The following SYN3 variants were observed in gnomAD, a reference collection of about 807,000 sequenced individuals.
SYN3 encodes the protein synapsin-3.
SYN3 carries 35 observed loss-of-function variants against 65.8 expected under a neutral mutation model. The observed-to-expected ratio is 0.53, with a 90% CI of 0.41 to 0.70. The LOEUF (loss-of-function observed/expected upper bound fraction) is 0.70, where lower values mean the gene tolerates loss of function less well. Ranked by LOEUF, SYN3 falls within the 30% of genes least tolerant of loss-of-function variation. The pLI, the probability that SYN3 is intolerant of heterozygous loss-of-function variation, is 0.00. For synonymous variants in SYN3, 270 were observed against 292.9 expected (o/e 0.92, Z 0.80); for missense variants, 680 against 749.0 (o/e 0.91, Z 1.08).
At chr22:32,955,414 A>C (rs922712123) in intron 3 of SYN3, among the ~76,000 whole-genome samples, 36 of 152,228 alleles carry the variant, frequency 2.4e-4, no homozygotes, top group African/African-American at 8.7e-4. Flanking sequence ...TGGGCAAAGC[A>C]CCTGAATACA....
At chr22:32,774,526 G>A (rs768393851) in intron 6 of SYN3, among the ~76,000 whole-genome samples, 3 of 152,052 alleles carry the variant, frequency 2.0e-5, no homozygotes, top group Non-Finnish European at 4.4e-5. Flanking sequence ...GGTGCTGTTG[G>A]AACACCACAG....
At chr22:32,952,512 TGG>T (rs1234500041) in intron 3 of SYN3, among the ~76,000 whole-genome samples, 1 of 152,170 alleles carries the variant, frequency 6.6e-6, no homozygotes, top group Non-Finnish European at 1.5e-5. Context: ...TTCAGCACTT[TGG>T]GAGGCTGAGG....
At chr22:32,935,208 C>T (rs2050736658) in intron 3 of SYN3, among the ~76,000 whole-genome samples, 1 of 152,062 alleles carries the variant, frequency 6.6e-6, no homozygotes, top group African/African-American at 2.4e-5. Flanking sequence ...TCAATGTGGC[C>T]AGGTAAAGCT....
At chr22:32,772,591 G>A (rs2045803581) in intron 6 of SYN3, among the ~76,000 whole-genome samples, 2 of 152,190 alleles carry the variant, frequency 1.3e-5, no homozygotes, top group African/African-American at 4.8e-5. Flanking sequence ...TTACAGATGT[G>A]ATTATGTTAA....
At chr22:32,647,727 G>A (rs1430595337) in intron 6 of SYN3, among the ~76,000 whole-genome samples, 1 of 152,110 alleles carries the variant, frequency 6.6e-6, no homozygotes, top group Non-Finnish European at 1.5e-5. Flanking sequence ...TTCTGCCTCA[G>A]CCTCCGGAGT....
chr22:32,724,471 C>T (rs1341301091), intron 6 of SYN3, among the ~76,000 whole-genome samples: 1 of 152,144 alleles, frequency 6.6e-6, no homozygotes, highest in Non-Finnish European at 1.5e-5. Context: ...GTTACCTAAC[C>T]TTTCTGTGCC....
intron 6 of SYN3, among the ~76,000 whole-genome samples, chr22:32,796,763 T>C (rs2046438260): frequency 6.6e-6 from 1 of 152,068 alleles, no homozygotes; most frequent in South Asian, 2.1e-4. Context: ...AAAGAGGAGC[T>C]TCCCTATGAG....
chr22:32,848,536 G>A (rs190009314), intron 6 of SYN3, among the ~76,000 whole-genome samples: 2 of 152,180 alleles, frequency 1.3e-5, no homozygotes, highest in East Asian at 3.9e-4. Flanking sequence ...GCAATAAATG[G>A]GAGCTGTTTT....
At chr22:32,663,338 G>T (rs1328515605) in intron 6 of SYN3, among the ~76,000 whole-genome samples, 1 of 143,056 alleles carries the variant, frequency 7.0e-6, no homozygotes, top group Non-Finnish European at 1.5e-5. Flanking sequence ...TCACTCTGTC[G>T]CCCAGGCTGG....
intron 6 of SYN3, among the ~76,000 whole-genome samples, chr22:32,657,176 T>G (rs2060153128): frequency 6.7e-6 from 1 of 149,794 alleles, no homozygotes; most frequent in African/African-American, 2.5e-5. Flanking sequence ...CAGGCTGGAG[T>G]GCAGTGGCGC....
intron 6 of SYN3, among the ~76,000 whole-genome samples, chr22:32,667,235 CCTCA>C (rs371214356): frequency 1.1e-4 from 17 of 151,942 alleles, no homozygotes; most frequent in South Asian, 1.0e-3. Flanking sequence ...ATTCCTTCTT[CCTCA>C]CTCACTCACT....
intron 6 of SYN3, among the ~76,000 whole-genome samples, chr22:32,604,194 G>A (rs576512817): frequency 2.0e-5 from 3 of 152,346 alleles, no homozygotes; most frequent in Non-Finnish European, 2.9e-5. Flanking sequence ...CTGGTCCTAC[G>A]TAAGCGATGG....
chr22:32,945,143 T>C (rs1178290253), intron 3 of SYN3, among the ~76,000 whole-genome samples: 1 of 152,164 alleles, frequency 6.6e-6, no homozygotes, highest in Non-Finnish European at 1.5e-5. Flanking sequence ...TTCAATGCCA[T>C]CCCCATTAAG....
At chr22:33,054,240 G>A (rs2054219000) in intron 1 of SYN3, among the ~76,000 whole-genome samples, 1 of 151,928 alleles carries the variant, frequency 6.6e-6, no homozygotes, top group Non-Finnish European at 1.5e-5. Flanking sequence ...TCCCCTCCTC[G>A]ACTCCAGACT....
chr22:33,033,465 C>T (rs2053791247), intron 1 of SYN3, among the ~76,000 whole-genome samples: 2 of 152,276 alleles, frequency 1.3e-5, no homozygotes, highest in Admixed American at 6.5e-5. Context: ...CCCCCAGCAC[C>T]TCTCACCCTT....
At chr22:32,698,965 C>T (rs2060775146) in intron 6 of SYN3, among the ~76,000 whole-genome samples, 1 of 152,054 alleles carries the variant, frequency 6.6e-6, no homozygotes, top group Non-Finnish European at 1.5e-5. Flanking sequence ...TTGTGAGGCC[C>T]CAGTAGGTCA....
At chr22:32,887,094 G>A (rs886071206) in intron 4 of SYN3, among the ~76,000 whole-genome samples, 2 of 152,140 alleles carry the variant, frequency 1.3e-5, no homozygotes, top group Admixed American at 6.5e-5. Context: ...AAAGACCCAT[G>A]GAAAGGCCCA....
intron 6 of SYN3, among the ~76,000 whole-genome samples, chr22:32,835,434 G>A (rs960916493): frequency 6.6e-6 from 1 of 152,154 alleles, no homozygotes; most frequent in Non-Finnish European, 1.5e-5. Flanking sequence ...GGGCCCCTGA[G>A]AATACAAAAC....
chr22:32,514,993 G>A (rs2057747505), intron 13 of SYN3, among the ~76,000 whole-genome samples: 4 of 151,854 alleles, frequency 2.6e-5, no homozygotes, highest in Admixed American at 2.6e-4. Context: ...TCTAGCCTGG[G>A]CGACAGTGAG....
Sources: allele counts gnomAD v4.1 joint callset (sites outside exome capture counted in the v4.1 genomes callset), GRCh38; gene constraint gnomAD v4.1.1; transcripts MANE v1.5; gene names NCBI Gene and HGNC (gene_info 2026-07-23, HGNC 2026-07-21).